Variants in SNX25 observed in about 807,000 individuals in gnomAD.
SNX25 encodes sorting nexin 25, also known as sorting nexin-25.
In SNX25, 62 loss-of-function variants were observed where a neutral mutation model predicts 113.7. The ratio of observed to expected loss-of-function variants is 0.55; its 90% confidence interval spans 0.44 to 0.67. The LOEUF (loss-of-function observed/expected upper bound fraction) is 0.67. Ranked by LOEUF, SNX25 falls within the 30% of genes least tolerant of loss-of-function variation. SNX25 has a pLI of 0.00. For missense variants in SNX25, 1,014 were observed against 1,161.0 expected, an observed-to-expected ratio of 0.87 and a Z score of 1.84; for synonymous variants, 421 against 436.2, an observed-to-expected ratio of 0.97 and a Z score of 0.43.
intron 7 of SNX25, among the ~76,000 whole-genome samples, chr4:185,320,493 A>G (rs1165122756): frequency 1.7e-4 from 26 of 152,254 alleles, no homozygotes; most frequent in African/African-American, 5.3e-4. Flanking sequence ...GGGCAAGGGG[A>G]GAGAACTTAG....
At chr4:185,378,369 G>T in the SNX25 span, 1 of 1,413,028 alleles carries the variant, frequency 7.1e-7, no homozygotes, top group Non-Finnish European at 9.2e-7. Flanking sequence ...TTCTTTACTA[G>T]GACACCAAGA....
At chr4:185,307,331 T>A (rs1393497968) in intron 6 of SNX25, among the ~76,000 whole-genome samples, 1 of 152,198 alleles carries the variant, frequency 6.6e-6, no homozygotes, top group Non-Finnish European at 1.5e-5. Context: ...ATTGGTAGTT[T>A]CATATCTAAG....
chr4:185,207,775 G>C (rs574982027), upstream of SNX25: 1 of 151,278 alleles, frequency 6.6e-6, no homozygotes, highest in South Asian at 2.1e-4. Context: ...TGGAGATAAT[G>C]GTATCCATCG....
At chr4:185,242,164 A>G (rs1396451640) in intron 1 of SNX25, among the ~76,000 whole-genome samples, 1 of 152,192 alleles carries the variant, frequency 6.6e-6, no homozygotes, top group Non-Finnish European at 1.5e-5. Flanking sequence ...TCCATGCAGA[A>G]TGTGTACAGA....
chr4:185,320,319 C>T (rs1297998629), intron 7 of SNX25, among the ~76,000 whole-genome samples: 1 of 152,136 alleles, frequency 6.6e-6, no homozygotes, highest in East Asian at 1.9e-4. Flanking sequence ...AGATCATGTC[C>T]TTTGCAGAGA....
rs562935170 is a variant in SNX25 at position 185,212,794 on chromosome 4, T to G, written c.429+2539T>G. On this transcript the variant is annotated intron_variant, in intron 1 of 18. Coordinates refer to ENST00000652585, the MANE Select transcript of SNX25 (RefSeq NM_001378034.2). The stretch of plus-strand genomic sequence containing the variant: ...TGTGGAGGGGGAGGCTGTTTAGCAG[T>G]GAACCAAATGGAGCTCCTTAGAATA... Among the ~76,000 whole-genome samples, 7 of 152,304 alleles carry G rather than the reference T, an allele frequency of 4.6e-5. No homozygotes were observed. In the South Asian group the frequency reaches 1.5e-3, roughly 32 times the overall value.
downstream of SNX25, chr4:185,373,142 C>T (rs1333926789): frequency 1.5e-5 from 22 of 1,436,660 alleles, no homozygotes; most frequent in Non-Finnish European, 2.1e-5. Context: ...TAAGGGAATA[C>T]TAGACAGAAA....
At chr4:185,268,836 A>G (rs1748512163) in intron 5 of SNX25, among the ~76,000 whole-genome samples, 1 of 152,210 alleles carries the variant, frequency 6.6e-6, no homozygotes, top group South Asian at 2.1e-4. Context: ...TTACAAATAC[A>G]TACCTCAAAT....
At chr4:185,378,232 T>G in the SNX25 span, 59 of 1,603,360 alleles carry the variant, frequency 3.7e-5, no homozygotes, top group Non-Finnish European at 4.8e-5. Context: ...AAAAAATAAG[T>G]GGTAGAAATT....
At chr4:185,368,540 C>A (rs1189045264), downstream of SNX25, among the ~76,000 whole-genome samples, 3 of 152,206 alleles carry the variant, frequency 2.0e-5, no homozygotes, top group Non-Finnish European at 4.4e-5. Flanking sequence ...CACCTTGTGT[C>A]CTTTTGCTCT....
intron 7 of SNX25, among the ~76,000 whole-genome samples, chr4:185,316,741 G>T (rs2095077612): frequency 6.6e-6 from 1 of 152,230 alleles, no homozygotes; most frequent in Non-Finnish European, 1.5e-5. Flanking sequence ...ACTTGAGTGT[G>T]AAAGGGTTTC....
intron 2 of SNX25, among the ~76,000 whole-genome samples, chr4:185,248,080 G>C (rs1745116660): frequency 6.6e-6 from 1 of 152,048 alleles, no homozygotes; most frequent in Non-Finnish European, 1.5e-5. Context: ...ACATATATGT[G>C]TTTTACTCAT....
intron 9 of SNX25, 50 bp from the exon 10 acceptor site, chr4:185,332,545 C>T (rs144364370): frequency 6.7e-7 from 1 of 1,495,432 alleles, no homozygotes; most frequent in East Asian, 2.3e-5. Context: ...ATAATAATTA[C>T]TGAATTTTCT....
At chr4:185,253,093 T>C (rs1181442376) in intron 2 of SNX25, among the ~76,000 whole-genome samples, 1 of 152,182 alleles carries the variant, frequency 6.6e-6, no homozygotes, top group Non-Finnish European at 1.5e-5. Context: ...TAAAAATCTT[T>C]TTGACTTACT....
the SNX25 span, chr4:185,375,487 A>AATATAAATATATATAT: frequency 3.3e-4 from 4 of 12,016 alleles, no homozygotes; most frequent in South Asian, 5.6e-3. Flanking sequence ...AAAAAAAAAA[A>AATATAAATATATATAT]ATATATATAT....
intron 6 of SNX25, among the ~76,000 whole-genome samples, chr4:185,309,625 C>A (rs1754966400): frequency 6.6e-6 from 1 of 152,130 alleles, no homozygotes; most frequent in African/African-American, 2.4e-5. Flanking sequence ...TACCCTCTAC[C>A]CTGCCCAGCC....
At position 185,315,094 on chromosome 4, in the gene SNX25, G is replaced by A. The variant is rs1186543991; in HGVS notation, c.1344+4278G>A. On this transcript the variant is annotated intron_variant, in intron 7 of 18. Transcript: ENST00000652585. The stretch of plus-strand genomic sequence containing the variant: ...ATACAAAAAATTAGCCGGGCGCGGT[G>A]GTGGGCGCCTGTAGTCCCAGCTACT... Among the ~76,000 whole-genome samples the A allele has an allele frequency of 4.0e-5, 6 of 150,766 alleles. No homozygotes were observed. In the East Asian group the frequency reaches 1.2e-3, roughly 31 times the overall value.
chr4:185,343,319 A>C (rs563341819), intron 12 of SNX25, among the ~76,000 whole-genome samples: 3 of 152,220 alleles, frequency 2.0e-5, no homozygotes, highest in Non-Finnish European at 2.9e-5. Context: ...ATTTATAAGA[A>C]TGTGTGGCAC....
the SNX25 span, among the ~76,000 whole-genome samples, chr4:185,376,611 T>C: frequency 2.0e-5 from 3 of 152,144 alleles, no homozygotes; most frequent in South Asian, 2.1e-4. Context: ...ATAATTTGTA[T>C]TATTAAATAT....
Sources: allele counts gnomAD v4.1 joint callset (sites outside exome capture counted in the v4.1 genomes callset), GRCh38; gene constraint gnomAD v4.1.1; transcripts MANE v1.5; gene names NCBI Gene and HGNC (gene_info 2026-07-23, HGNC 2026-07-21).